SMG6: variants seen among roughly 807,000 people sequenced by gnomAD.
SMG6 encodes SMG6 nonsense mediated mRNA decay factor, also known as telomerase-binding protein EST1A.
In SMG6, 66 loss-of-function variants were observed where a neutral mutation model predicts 142.2. The ratio of observed to expected loss-of-function variants is 0.46; its 90% CI spans 0.38 to 0.57. The LOEUF (loss-of-function observed/expected upper bound fraction) is 0.57, where lower values mean the gene tolerates loss of function less well. SMG6 is among the 20% of genes least tolerant of loss of function. The pLI, the probability that SMG6 is intolerant of heterozygous loss-of-function variation, is 0.00. For synonymous variants in SMG6, 779 were observed against 702.4 expected (o/e 1.11, Z -1.72); for missense variants, 1,793 against 1,832.0 (o/e 0.98, Z 0.39).
At chr17:2,126,614 G>C (rs1005614399) in intron 13 of SMG6, among the ~76,000 whole-genome samples, 1 of 151,788 alleles carries the variant, frequency 6.6e-6, no homozygotes, top group South Asian at 2.1e-4. Context: ...CTATTTGAAA[G>C]GCGGGGCACA....
intron 13 of SMG6, among the ~76,000 whole-genome samples, chr17:2,169,218 G>A (rs1236030858): frequency 3.3e-5 from 5 of 151,838 alleles, no homozygotes; most frequent in African/African-American, 7.3e-5. Context: ...CCGCAGAGGC[G>A]GGAGGATTGC....
intron 13 of SMG6, chr17:2,087,530 G>C: frequency 9.7e-7 from 1 of 1,033,558 alleles, no homozygotes; most frequent in Non-Finnish European, 1.2e-6. Context: ...CTTCACCTGA[G>C]AGGTTGATGT....
rs200494730 is a variant in SMG6, at chr17:2,061,564, A to G, written c.4188T>C (p.Arg1396=). ...VVLLTDDRNL[R]VKALTRNVPV... The stretch of plus-strand genomic sequence containing the variant: ...GAACATTCCTTGTGAGCGCCTTCAC[A>G]CGCAGGTTCCGGTCATCCGTCAACA... The change falls in exon 19 of 19, where the codon CGT becomes CGC. Residue 1396 remains arginine (R), a synonymous_variant. Coordinates refer to ENST00000263073, the MANE Select transcript of SMG6 (RefSeq NM_017575.5). The G allele has an allele frequency of 1.1e-5, 18 of 1,572,978 alleles. No individual in the cohort carries two copies. The highest frequency in any genetic ancestry group is 1.6e-5 in the Non-Finnish European group (18 of 1,158,854).
intron 13 of SMG6, among the ~76,000 whole-genome samples, chr17:2,129,270 C>T (rs575455557): frequency 9.2e-5 from 14 of 152,178 alleles, no homozygotes; most frequent in African/African-American, 3.4e-4. Context: ...CTGCAGTGAG[C>T]CATAATCGCA....
At chr17:2,146,651 G>A (rs1347612907) in intron 13 of SMG6, among the ~76,000 whole-genome samples, 3 of 152,148 alleles carry the variant, frequency 2.0e-5, no homozygotes, top group African/African-American at 7.2e-5. Flanking sequence ...AGTGATTCTC[G>A]AACTCTTAAG....
chr17:2,127,811 T>C (rs1327871993), intron 13 of SMG6: 59 of 550,480 alleles, frequency 1.1e-4, no homozygotes, highest in Non-Finnish European at 2.2e-5. Flanking sequence ...AAAGTAATCA[T>C]ATCGTTTTTC....
chr17:2,139,384 A>G (rs756084878), intron 13 of SMG6, among the ~76,000 whole-genome samples: 1 of 151,970 alleles, frequency 6.6e-6, no homozygotes. Context: ...TTCTAGTACT[A>G]TAAGACCGTG....
At chr17:2,211,176 G>A (rs993057565) in intron 10 of SMG6, among the ~76,000 whole-genome samples, 6 of 149,758 alleles carry the variant, frequency 4.0e-5, no homozygotes, top group Admixed American at 1.3e-4. Context: ...ACAGTTCAAA[G>A]GTGAAAGAAA....
At chr17:2,165,011 T>C (rs2071291449) in intron 13 of SMG6, among the ~76,000 whole-genome samples, 1 of 152,194 alleles carries the variant, frequency 6.6e-6, no homozygotes, top group Admixed American at 6.5e-5. Context: ...TAACAGGTTT[T>C]AGAGATTGAA....
chr17:2,074,703 G>A lies in SMG6; in HGVS notation c.3682-5772C>T, dbSNP rs149043492. Among the ~76,000 whole-genome samples the A allele has an allele frequency of 2.0e-5, 3 of 152,282 alleles. No homozygotes were observed. The East Asian group carries it at 5.8e-4, about 29-fold the overall frequency. Reference sequence around the variant, plus strand: ...TTTCCATTGTCATACCTCCCATACCGCCTGTTGTATCATAGGACTTCGGGG... The same window carrying A: ...TTTCCATTGTCATACCTCCCATACCACCTGTTGTATCATAGGACTTCGGGG... On this transcript the variant is annotated intron_variant, in intron 15 of 18. Coordinates refer to ENST00000263073, the MANE Select transcript of SMG6 (RefSeq NM_017575.5).
At chr17:2,185,184 T>G (rs1028868710) in intron 12 of SMG6, among the ~76,000 whole-genome samples, 3 of 151,412 alleles carry the variant, frequency 2.0e-5, no homozygotes, top group Admixed American at 6.6e-5. Context: ...GTGGCCACAG[T>G]TGGATGGATG....
chr17:2,095,636 G>A (rs982498794), intron 13 of SMG6, among the ~76,000 whole-genome samples: 2 of 152,072 alleles, frequency 1.3e-5, no homozygotes, highest in South Asian at 4.1e-4. Flanking sequence ...GAGAGCACGC[G>A]CCCCTCCCCG....
At chr17:2,285,962 C>T (rs1597786863) in intron 6 of SMG6, among the ~76,000 whole-genome samples, 2 of 152,088 alleles carry the variant, frequency 1.3e-5, no homozygotes, top group African/African-American at 4.8e-5. Flanking sequence ...GGGTCAGACA[C>T]CCCACCTGGC....
chr17:2,191,512 A>G (rs940997719), intron 10 of SMG6, among the ~76,000 whole-genome samples: 1 of 152,220 alleles, frequency 6.6e-6, no homozygotes, highest in Non-Finnish European at 1.5e-5. Flanking sequence ...AGGTAGCAGG[A>G]GCATGACAGG....
intron 2 of SMG6, among the ~76,000 whole-genome samples, chr17:2,298,627 A>G (rs529309505): frequency 2.4e-4 from 36 of 151,576 alleles, no homozygotes; most frequent in Non-Finnish European, 4.7e-4. Flanking sequence ...CTGAGGCAGG[A>G]GAATGGTATG....
intron 8 of SMG6, among the ~76,000 whole-genome samples, chr17:2,255,566 GC>G: frequency 6.6e-6 from 1 of 152,126 alleles, no homozygotes; most frequent in Non-Finnish European, 1.5e-5. Flanking sequence ...GAGGGAGGTG[GC>G]GGGCGCCTCC....
intron 13 of SMG6, among the ~76,000 whole-genome samples, chr17:2,165,424 A>G (rs2071307033): frequency 6.6e-6 from 1 of 152,234 alleles, no homozygotes; most frequent in South Asian, 2.1e-4. Flanking sequence ...CCTTGAGGTT[A>G]ATGACTTGCT....
rs1396475601 is a variant in SMG6, at chr17:2,300,231, T to C, written c.522A>G (p.Gln174=). Residue 174 remains glutamine, a synonymous_variant, in exon 2 of 19, where the codon CAA becomes CAG. Coordinates refer to ENST00000263073, the MANE Select transcript of SMG6 (RefSeq NM_017575.5). ...EEEEVLNQVE[Q]LRVEEDECRG... ...TACACTCATCTTCCTCTACTCTCAG[T>C]TGTTCTACCTGGTTGAGGACTTCTT... 8 of 1,614,072 alleles carry C rather than the reference T, an allele frequency of 5.0e-6. No individual in the cohort carries two copies. The Admixed American group carries it at 5.0e-5, about 10-fold the overall frequency.
At chr17:2,245,545 C>T (rs959695754) in intron 8 of SMG6, among the ~76,000 whole-genome samples, 2 of 152,048 alleles carry the variant, frequency 1.3e-5, no homozygotes, top group Admixed American at 6.6e-5. Flanking sequence ...CCCCCATAAT[C>T]GGCTAATTTT....
Sources: allele counts gnomAD v4.1 joint callset (sites outside exome capture counted in the v4.1 genomes callset), GRCh38; gene constraint gnomAD v4.1.1; transcripts MANE v1.5; gene names NCBI Gene and HGNC (gene_info 2026-07-23, HGNC 2026-07-21).